The following ALOXE3 variants were observed in gnomAD, a reference collection of about 807,000 sequenced individuals.
The protein encoded by ALOXE3 is arachidonate epidermal lipoxygenase 3.
Under a neutral mutation model 87.5 loss-of-function variants are expected in ALOXE3, and 78 were observed. The observed-to-expected ratio is 0.89, with a 90% CI of 0.74 to 1.08. The LOEUF (loss-of-function observed/expected upper bound fraction) is 1.08. Among genes scored for constraint, ALOXE3 ranks in the 50% least tolerant of loss-of-function variants. ALOXE3 has a pLI of 0.00. For missense variants in ALOXE3, 946 were observed against 912.4 expected, an observed-to-expected ratio of 1.04 and a Z score of -0.47; for synonymous variants, 363 against 370.8, an observed-to-expected ratio of 0.98 and a Z score of 0.24.
chr17:8,109,828 G>A (rs1027820196), intron 11 of ALOXE3, 88 bp downstream of exon 11: 2 of 1,368,998 alleles, frequency 1.5e-6, no homozygotes, highest in Middle Eastern at 2.4e-4. Flanking sequence ...CTCACAAGGG[G>A]CTTGGGCGCA....
rs1979780309 is a variant in ALOXE3 at position 8,109,191 on chromosome 17, G to A, written c.1545C>T (p.Ile515=). 2 of 1,613,610 alleles carry A rather than the reference G, an allele frequency of 1.2e-6. No homozygotes were observed. The highest frequency in any genetic ancestry group is 1.7e-6 in the Non-Finnish European group (2 of 1,180,046). Residue 515 remains isoleucine, a synonymous_variant, in exon 12 of 16, where the codon ATC becomes ATT. Coordinates refer to ENST00000448843, the MANE Select transcript of ALOXE3 (RefSeq NM_021628.3). ...CCTCGCACCTCTCAATGGCCGCCCA[G>A]ATCTTCAGGCCGTCGTCTCGGTAGT... ...NYHYRDDGLK[I]WAAIESFVSE...
At chr17:8,098,607 G>A (rs1203244949) in intron 15 of ALOXE3, among the ~76,000 whole-genome samples, 1 of 152,058 alleles carries the variant, frequency 6.6e-6, no homozygotes, top group Non-Finnish European at 1.5e-5. Flanking sequence ...ATTAGTAATG[G>A]CTGCTCACAT....
intron 15 of ALOXE3, among the ~76,000 whole-genome samples, chr17:8,101,931 T>A (rs934633255): frequency 6.6e-6 from 1 of 152,206 alleles, no homozygotes; most frequent in Non-Finnish European, 1.5e-5. Context: ...CGAGCCACTG[T>A]GCCCAGCAAC....
rs1979051509 is a variant in ALOXE3, at chr17:8,103,436, G to T, written c.1843C>A (p.Gln615Lys). ...TTCAGGGTGGTGGTCCCCTTGGTCTGGGGTGGGGGCTGCCTCATGGATGAT... is the reference window on the plus strand; with the variant it reads ...TTCAGGGTGGTGGTCCCCTTGGTCTTGGGTGGGGGCTGCCTCATGGATGAT... ...APSSMRQPPPQTKGTTTLKTY... is the reference protein window; with the variant it reads ...APSSMRQPPPKTKGTTTLKTY... Residue 615 changes from glutamine (Q) to lysine (K), a missense_variant, in exon 15 of 16, where the codon CAG (glutamine) becomes AAG (lysine). By Grantham distance (53) the Gln-to-Lys change is moderately conservative (BLOSUM62 1). Coordinates refer to ENST00000448843, the MANE Select transcript of ALOXE3 (RefSeq NM_021628.3). 1 of 1,614,156 alleles carries T rather than the reference G, an allele frequency of 6.2e-7. No homozygotes were observed. The highest frequency in any genetic ancestry group is 1.3e-5 in the African/African-American group (1 of 75,044).
In ALOXE3 at chr17:8,097,520, C is replaced by G. The variant is rs376691642; in HGVS notation, c.1957-714G>C. Among the ~76,000 whole-genome samples, 24 of 152,300 alleles carry G rather than the reference C, an allele frequency of 1.6e-4. 1 individual carries two copies. Among genetic ancestry groups the G allele is most frequent in the East Asian group, 1.4e-3 (7 of 5,176 alleles). On this transcript the variant is annotated intron_variant, in intron 15 of 15. Coordinates refer to ENST00000448843, the MANE Select transcript of ALOXE3 (RefSeq NM_021628.3). ...ACCATCGTGATGGAACTTTTGCCAA[C>G]ACAATCACCATCATCCTCCACTGCC...
chr17:8,100,155 G>A (rs554649681), intron 15 of ALOXE3, among the ~76,000 whole-genome samples: 5 of 151,730 alleles, frequency 3.3e-5, no homozygotes, highest in African/African-American at 7.3e-5. Flanking sequence ...AGGGAGGGAC[G>A]GAAGCAAAAA....
rs746751980 is a variant in ALOXE3, at chr17:8,110,021, A to G, written c.1306-19T>C. 6.4e-7 allele frequency: 1 copy of G among 1,565,002 alleles called. No individual in the cohort carries two copies. The highest frequency in any genetic ancestry group is 1.2e-5 in the South Asian group (1 of 85,648). ...GTAGGAGCTGCGAGCGGAGCGGATC[A>G]CGTGAGCTGAAGGCCGGGGACAAGG... On this transcript the variant is annotated intron_variant, in intron 10 of 15. Transcript: ENST00000448843.
chr17:8,108,550 G>T lies in ALOXE3; in HGVS notation c.1602C>A (p.Asp534Glu). 6.2e-7 allele frequency: 1 copy of T among 1,613,236 alleles called. No homozygotes were observed. Among genetic ancestry groups the T allele is most frequent in the Non-Finnish European group, 8.5e-7 (1 of 1,179,470 alleles). The stretch of plus-strand genomic sequence containing the variant: ...GCTCCGAATCCTGCTGCACAGATGC[G>T]TCACTGGGATAATAGTAGCCCACGA... The part of the protein sequence containing the change: ...SEIVGYYYPS[D>E]ASVQQDSELQ... Residue 534 changes from aspartate (D) to glutamate (E), a missense_variant, in exon 13 of 16, where the codon GAC (aspartate) becomes GAA (glutamate). Transcript: ENST00000448843.
intron 15 of ALOXE3, among the ~76,000 whole-genome samples, chr17:8,098,301 C>T (rs946865501): frequency 2.4e-4 from 30 of 123,936 alleles, no homozygotes; most frequent in Admixed American, 3.4e-4. Flanking sequence ...TGCAGTGGCG[C>T]GATCTTGGCT....
At position 8,115,159 on chromosome 17, in the gene ALOXE3, A is replaced by T; in HGVS notation, c.435-102T>A. Reference sequence around the variant, plus strand: ...CAGATTAAAACTTCAAAAACCACCTACTTTCTGGATGAGTGACAAGGAATT... The same window carrying T: ...CAGATTAAAACTTCAAAAACCACCTTCTTTCTGGATGAGTGACAAGGAATT... On this transcript the variant is annotated intron_variant, in intron 4 of 15. Transcript: ENST00000448843. 3 of 1,470,044 alleles carry T rather than the reference A, an allele frequency of 2.0e-6. No homozygotes were observed. In the South Asian group the frequency reaches 3.4e-5, roughly 17 times the overall value. The allele number at this position is 1,470,044 out of a possible 1,614,324, so 91.1% of individuals were successfully genotyped here. A position where few individuals can be genotyped will look rare whatever the true frequency, so the allele number is the denominator to read the frequency against.
chr17:8,111,298 T>A, intron 8 of ALOXE3, 61 bp downstream of exon 8: 1 of 1,597,144 alleles, frequency 6.3e-7, no homozygotes, highest in Non-Finnish European at 8.6e-7. Flanking sequence ...ACATCCCTTG[T>A]CCATAATGGT....
intron 7 of ALOXE3, among the ~76,000 whole-genome samples, chr17:8,111,799 G>A (rs773173515): frequency 6.6e-6 from 1 of 150,530 alleles, no homozygotes; most frequent in Non-Finnish European, 1.5e-5. Flanking sequence ...TAGGGGAAGA[G>A]AGTCGTGTGT....
intron 5 of ALOXE3, 60 bp downstream of exon 5, chr17:8,114,878 C>T (rs1394131636): frequency 1.9e-6 from 3 of 1,610,560 alleles, no homozygotes; most frequent in South Asian, 2.2e-5. Context: ...AGGACCCCAT[C>T]CTCCCGACAG....
chr17:8,096,428 G>T lies in ALOXE3; in HGVS notation c.*199C>A. 4 of 600,340 alleles carry T rather than the reference G, an allele frequency of 6.7e-6. No homozygotes were observed. The highest frequency in any genetic ancestry group is 1.2e-5 in the Non-Finnish European group (4 of 333,206). 37.2% of individuals were successfully genotyped at this position (600,340 alleles called of 1,614,324 possible). A position where few individuals can be genotyped will look rare whatever the true frequency, so the allele number is the denominator to read the frequency against. ...TTGGTCAGCGGCTTTTAACCTGGAC[G>T]CTGCTGTGCTGGTCTCTCACAGCTC... On this transcript the variant is annotated 3_prime_UTR_variant, in exon 16 of 16. Coordinates refer to ENST00000448843, the MANE Select transcript of ALOXE3 (RefSeq NM_021628.3).
At chr17:8,101,651 G>A (rs567363110) in intron 15 of ALOXE3, among the ~76,000 whole-genome samples, 51 of 149,632 alleles carry the variant, frequency 3.4e-4, no homozygotes, top group African/African-American at 1.2e-3. Flanking sequence ...TTGTTTTTTT[G>A]TTTTTTGTTT....
Position 8,104,170 on chromosome 17 carries a change from A to G in ALOXE3, c.1730T>C (p.Leu577Pro). 1 of 1,614,018 alleles carries G rather than the reference A, an allele frequency of 6.2e-7. No individual in the cohort carries two copies. Among genetic ancestry groups the G allele is most frequent in the Non-Finnish European group, 8.5e-7 (1 of 1,179,994 alleles). Residue 577 changes from leucine to proline, a missense_variant, in exon 14 of 16, where the codon CTC (leucine) becomes CCC (proline). Transcript: ENST00000448843. The stretch of plus-strand genomic sequence containing the variant: ...AGAGCAATTGAAGATGATTGCAGTG[A>G]GGAACTTCACCATCTCTCCTGGGGT... Reference protein sequence around the residue: ...LCTPGEMVKFLTAIIFNCSAQ... With the variant: ...LCTPGEMVKFPTAIIFNCSAQ...
At chr17:8,118,407 G>C (rs760562760) in intron 1 of ALOXE3, 79 bp downstream of exon 1, 1 of 1,551,044 alleles carries the variant, frequency 6.4e-7, no homozygotes, top group South Asian at 1.2e-5. Context: ...TGATGCCCTG[G>C]AGTGCTTGTC....
At chr17:8,109,846 G>A in intron 11 of ALOXE3, 70 bp downstream of exon 11, 1 of 1,462,352 alleles carries the variant, frequency 6.8e-7, no homozygotes, top group Non-Finnish European at 9.2e-7. Flanking sequence ...GCAGAACAGG[G>A]CTTGGGGGCG....
intron 1 of ALOXE3, 53 bp downstream of exon 1, chr17:8,118,433 G>A (rs774909469): frequency 3.9e-5 from 60 of 1,550,564 alleles, no homozygotes; most frequent in Non-Finnish European, 4.6e-5. Flanking sequence ...ACTCCCCAAT[G>A]TCCCCCAAGA....
Sources: gnomAD v4.1 joint callset for allele counts (sites outside exome capture counted in the v4.1 genomes callset) on GRCh38, gnomAD v4.1.1 for gene constraint, MANE v1.5 for transcripts, NCBI Gene and HGNC (gene_info 2026-07-23, HGNC 2026-07-21) for gene names.